ABCC4: variants seen among roughly 807,000 people sequenced by gnomAD.
ABCC4 encodes the protein ATP-binding cassette sub-family C member 4.
In ABCC4, 102 loss-of-function variants were observed where a neutral mutation model predicts 168.5. The observed-to-expected ratio is 0.61, with a 90% CI of 0.52 to 0.71. ABCC4 has a LOEUF of 0.71. Among genes scored for constraint, ABCC4 ranks in the 30% least tolerant of loss-of-function variants. The pLI is 0.00. For synonymous variants in ABCC4, 617 were observed against 590.7 expected, an observed-to-expected ratio of 1.04 and a Z score of -0.65; for missense variants, 1,402 against 1,605.8, an observed-to-expected ratio of 0.87 and a Z score of 2.17.
At chr13:95,111,639 G>C (rs1216894920) in intron 20 of ABCC4, among the ~76,000 whole-genome samples, 1 of 152,146 alleles carries the variant, frequency 6.6e-6, no homozygotes, top group African/African-American at 2.4e-5. Context: ...TAAGTTACCA[G>C]TGTCACTGTT....
chr13:95,271,955 T>C (rs934632065), intron 1 of ABCC4, among the ~76,000 whole-genome samples: 1 of 152,182 alleles, frequency 6.6e-6, no homozygotes, highest in Non-Finnish European at 1.5e-5. Context: ...ATCTAAATTA[T>C]TGAATATACA....
chr13:95,211,821 A>G (rs1182900817), intron 4 of ABCC4, among the ~76,000 whole-genome samples: 1 of 152,206 alleles, frequency 6.6e-6, no homozygotes, highest in East Asian at 1.9e-4. Context: ...AAAGGCAACA[A>G]GACTGTCAAC....
rs768236837 is a variant in ABCC4, at chr13:95,075,561, C to G, written c.2687-10G>C. On this transcript the variant is annotated splice_polypyrimidine_tract_variant and intron_variant, in intron 21 of 30. Transcript: ENST00000645237. ...AACACTGGACTCCGAGCTGGGGAAA[C>G]AGACAGAGAAAACAGCTCAGTGAGG... 1 of 1,613,262 alleles carries G rather than the reference C, an allele frequency of 6.2e-7. No homozygotes were observed. Among genetic ancestry groups the G allele is most frequent in the Non-Finnish European group, 8.5e-7 (1 of 1,179,490 alleles).
At chr13:95,022,897 A>C (rs1205575071) in intron 30 of ABCC4, among the ~76,000 whole-genome samples, 2 of 152,236 alleles carry the variant, frequency 1.3e-5, no homozygotes, top group Non-Finnish European at 2.9e-5. Context: ...CACACAATGT[A>C]CTAAAATGTC....
intron 8 of ABCC4, among the ~76,000 whole-genome samples, chr13:95,204,500 C>T (rs755399793): frequency 3.3e-5 from 5 of 152,088 alleles, no homozygotes; most frequent in Non-Finnish European, 5.9e-5. Context: ...TGGTTTTATA[C>T]GCGTCTGGCA....
At chr13:95,213,150 C>G (rs2039011190) in intron 4 of ABCC4, among the ~76,000 whole-genome samples, 1 of 151,026 alleles carries the variant, frequency 6.6e-6, no homozygotes, top group Non-Finnish European at 1.5e-5. Context: ...GAGGAAGACA[C>G]AGCTGACAAG....
chr13:95,258,495 C>T (rs1194470567), intron 1 of ABCC4, among the ~76,000 whole-genome samples: 2 of 152,198 alleles, frequency 1.3e-5, no homozygotes, highest in African/African-American at 4.8e-5. Context: ...CATTGTCGAT[C>T]ATTTATATCC....
chr13:95,195,105 A>G (rs2038375301), intron 8 of ABCC4, among the ~76,000 whole-genome samples, 168 bp from the exon 9 acceptor site: 1 of 152,220 alleles, frequency 6.6e-6, no homozygotes, highest in Admixed American at 6.5e-5. Context: ...TATTTATTTA[A>G]TAAATAAACA....
intron 20 of ABCC4, among the ~76,000 whole-genome samples, chr13:95,086,463 C>T (rs2034260909): frequency 6.6e-6 from 1 of 152,142 alleles, no homozygotes; most frequent in Admixed American, 6.5e-5. Context: ...CCCCGGCAGA[C>T]TCTTCTAGAA....
chr13:95,066,647 T>C (rs896717965), intron 25 of ABCC4, among the ~76,000 whole-genome samples: 2 of 152,230 alleles, frequency 1.3e-5, no homozygotes, highest in Non-Finnish European at 2.9e-5. Flanking sequence ...ACTTGCATTT[T>C]GCAAAAGAGA....
At chr13:95,190,027 C>T (rs1035338156) in intron 9 of ABCC4, among the ~76,000 whole-genome samples, 2 of 145,048 alleles carry the variant, frequency 1.4e-5, no homozygotes, top group African/African-American at 5.2e-5. Flanking sequence ...AATTATCAAT[C>T]ACTGCTAATG....
intron 19 of ABCC4, among the ~76,000 whole-genome samples, chr13:95,138,650 C>T (rs1258500598): frequency 2.6e-5 from 4 of 152,058 alleles, no homozygotes; most frequent in Non-Finnish European, 5.9e-5. Flanking sequence ...ATCGTGAGAT[C>T]CTGATTCTAA....
At chr13:95,086,488 G>A (rs574295472) in intron 20 of ABCC4, among the ~76,000 whole-genome samples, 3 of 152,146 alleles carry the variant, frequency 2.0e-5, no homozygotes, top group South Asian at 4.1e-4. Context: ...TTTTGTATCC[G>A]AACATTACAG....
At chr13:95,301,146 G>C (rs1403771633) in intron 1 of ABCC4, 95 bp downstream of exon 1, 10 of 1,201,772 alleles carry the variant, frequency 8.3e-6, no homozygotes, top group Admixed American at 2.5e-5. Context: ...GCCCCCAGCC[G>C]CAGAGGGCTT....
intron 4 of ABCC4, among the ~76,000 whole-genome samples, chr13:95,221,159 A>C (rs1476268728): frequency 2.0e-5 from 3 of 152,244 alleles, no homozygotes; most frequent in African/African-American, 7.2e-5. Context: ...TTACAGACAG[A>C]AAGTAAAATG....
At chr13:95,250,757 C>CTTTTTTTTTTTTTTTTTT (rs66485168) in intron 1 of ABCC4, among the ~76,000 whole-genome samples, 1 of 78,874 alleles carries the variant, frequency 1.3e-5, no homozygotes, top group African/African-American at 4.9e-5. Context: ...ATACTGGTTT[C>CTTTTTTTTTTTTTTTTTT]TTTTTTTTTT....
At chr13:95,054,668 G>A (rs918107174) in intron 26 of ABCC4, among the ~76,000 whole-genome samples, 36 of 152,284 alleles carry the variant, frequency 2.4e-4, no homozygotes, top group African/African-American at 7.5e-4. Context: ...CAGAACAAGG[G>A]GATGCACAGA....
intron 21 of ABCC4, 56 bp from the exon 22 acceptor site, chr13:95,075,607 G>T: frequency 3.1e-6 from 5 of 1,607,766 alleles, no homozygotes; most frequent in Non-Finnish European, 4.2e-6. Context: ...AAAAACCTGC[G>T]GCCTCCCAAG....
chr13:95,177,962 G>A (rs780264853), intron 12 of ABCC4, 35 bp downstream of exon 12: 1 of 1,606,450 alleles, frequency 6.2e-7, no homozygotes, highest in East Asian at 2.2e-5. Context: ...GGTATCAAAA[G>A]ACACCGGCAT....
Sources: allele counts gnomAD v4.1 joint callset (sites outside exome capture counted in the v4.1 genomes callset), GRCh38; gene constraint gnomAD v4.1.1; transcripts MANE v1.5; gene names NCBI Gene and HGNC (gene_info 2026-07-23, HGNC 2026-07-21).